Variants in NELL1 observed in about 807,000 individuals in gnomAD.
NELL1 encodes protein kinase C-binding protein NELL1.
A neutral mutation model predicts 107.4 loss-of-function variants in NELL1; 76 were observed. That is an observed-to-expected ratio of 0.71 (90% CI 0.59 to 0.86). The LOEUF (loss-of-function observed/expected upper bound fraction) is 0.86. Among genes scored for constraint, NELL1 ranks in the 40% least tolerant of loss-of-function variants. The pLI is 0.00. For synonymous variants in NELL1, 353 were observed against 341.2 expected, an observed-to-expected ratio of 1.03 and a Z score of -0.38; for missense variants, 1,024 against 1,005.5, an observed-to-expected ratio of 1.02 and a Z score of -0.25.
intron 3 of NELL1, among the ~76,000 whole-genome samples, chr11:20,806,252 TTGTGTGTGTGTG>T (rs3045512): frequency 8.1e-5 from 12 of 148,586 alleles, no homozygotes; most frequent in East Asian, 2.0e-4. Flanking sequence ...TGTGAAGCAT[TTGTGTGTGTGTG>T]TGTGTGTGTG....
At chr11:21,261,486 A>T (rs886633157) in intron 14 of NELL1, among the ~76,000 whole-genome samples, 2 of 151,684 alleles carry the variant, frequency 1.3e-5, no homozygotes, top group Non-Finnish European at 2.9e-5. Flanking sequence ...ATGATCATAA[A>T]CTTCATGTTG....
In NELL1 at chr11:21,574,985, G is replaced by A. The variant is rs1857187875; in HGVS notation, c.2396G>A (p.Cys799Tyr). 6.2e-7 allele frequency: 1 copy of A among 1,610,944 alleles called. No individual in the cohort carries two copies. The highest frequency in any genetic ancestry group is 1.3e-5 in the African/African-American group (1 of 74,752). ...TTCKCKNGRV[C>Y]CSVDFECLQN... is the part of the protein sequence containing the mutation. Reference sequence around the variant, plus strand: ...TTTGATGTACAGAATGGAAGAGTCTGTTGTTCTGTGGATTTTGAGTGTCTT... The same window carrying A: ...TTTGATGTACAGAATGGAAGAGTCTATTGTTCTGTGGATTTTGAGTGTCTT... The change falls in exon 20 of 20, where the codon TGT becomes TAT. Residue 799 changes from cysteine (C) to tyrosine (Y), a missense_variant. Physicochemically the swap from Cys to Tyr is radical, Grantham distance 194. Transcript: ENST00000357134.
intron 13 of NELL1, among the ~76,000 whole-genome samples, chr11:21,219,326 G>A (rs1435981585): frequency 1.3e-5 from 2 of 152,018 alleles, no homozygotes; most frequent in African/African-American, 4.8e-5. Flanking sequence ...TTTATTTTGG[G>A]TTATTTGCTT....
rs1554974849 is a variant in NELL1, at chr11:21,160,843, C to CA, written c.1426+47129_1426+47130insA. Among the ~76,000 whole-genome samples the CA allele has an allele frequency of 3.3e-5, 5 of 152,026 alleles. No individual in the cohort carries two copies. The East Asian group carries it at 9.7e-4, about 29-fold the overall frequency. Reference sequence around the variant, plus strand: ...GCTCAGCTACAAATGGTAAGGTCACCTTTTTTTACTCCCTGCATGTAATAC... The same window carrying CA: ...GCTCAGCTACAAATGGTAAGGTCACCATTTTTTTACTCCCTGCATGTAATAC... On this transcript the variant is annotated intron_variant, in intron 13 of 19. Transcript: ENST00000357134.
intron 2 of NELL1, among the ~76,000 whole-genome samples, chr11:20,707,786 A>G (rs1244452294): frequency 6.6e-6 from 1 of 152,212 alleles, no homozygotes; most frequent in Non-Finnish European, 1.5e-5. Flanking sequence ...TAGGCTACTC[A>G]GGGATCTGGG....
At chr11:21,159,905 T>C (rs898108629) in intron 13 of NELL1, among the ~76,000 whole-genome samples, 9 of 152,198 alleles carry the variant, frequency 5.9e-5, no homozygotes, top group African/African-American at 2.2e-4. Flanking sequence ...CTTCTTCATC[T>C]GTTCTATTTA....
rs188201754 is a variant in NELL1 at position 20,797,392 on chromosome 11, G to A, written c.335+13562G>A. Among the ~76,000 whole-genome samples the A allele has an allele frequency of 5.6e-3, 854 of 151,982 alleles. 7 individuals are homozygous for A. Among genetic ancestry groups the A allele is most frequent in the African/African-American group, 0.02 (828 of 41,436 alleles). On this transcript the variant is annotated intron_variant, in intron 3 of 19. Coordinates refer to ENST00000357134, the MANE Select transcript of NELL1 (RefSeq NM_006157.5). ...ATCCTGGCTAACACGGTGAAATCCA[G>A]TCTCTACTAAAAATACAAAAAAAAT...
intron 16 of NELL1, among the ~76,000 whole-genome samples, chr11:21,559,045 A>G (rs971225698): frequency 6.6e-6 from 1 of 152,120 alleles, no homozygotes; most frequent in Admixed American, 6.5e-5. Context: ...ATCATTGTTC[A>G]CTAATGAAAT....
At chr11:21,459,714 A>C (rs1853850090) in intron 15 of NELL1, among the ~76,000 whole-genome samples, 1 of 152,126 alleles carries the variant, frequency 6.6e-6, no homozygotes, top group Non-Finnish European at 1.5e-5. Flanking sequence ...GCATGTTTCA[A>C]ATTGCTTAGT....
chr11:21,517,270 T>C (rs1459331689), intron 15 of NELL1, among the ~76,000 whole-genome samples: 1 of 152,156 alleles, frequency 6.6e-6, no homozygotes, highest in Admixed American at 6.5e-5. Flanking sequence ...CAATGAAAAC[T>C]ATGTTTTATG....
chr11:20,985,441 A>G (rs901936314), intron 12 of NELL1, among the ~76,000 whole-genome samples: 3 of 152,176 alleles, frequency 2.0e-5, no homozygotes, highest in African/African-American at 7.2e-5. Context: ...TTTAGAAATG[A>G]TATACAGTTA....
At chr11:21,412,978 T>A (rs370876931) in intron 15 of NELL1, among the ~76,000 whole-genome samples, 2 of 152,092 alleles carry the variant, frequency 1.3e-5, no homozygotes, top group Non-Finnish European at 2.9e-5. Flanking sequence ...GGCCCCTGAT[T>A]ATGGCACACT....
Position 20,947,407 on chromosome 11 carries a change from T to A in NELL1, c.1143T>A (p.Pro381=). ...LNCSEKDHIL[P]ENQCCRVCRG... ...GCTCAGAAAAGGATCACATTCTTCC[T>A]GAGAATCAGTGCTGCCGTGTCTGTA... The change falls in exon 11 of 20, where the codon CCT becomes CCA. Residue 381 remains proline (P), a synonymous_variant. Transcript: ENST00000357134. The A allele has an allele frequency of 6.2e-7, 1 of 1,613,638 alleles. No individual in the cohort carries two copies. The highest frequency in any genetic ancestry group is 8.5e-7 in the Non-Finnish European group (1 of 1,179,582).
intron 12 of NELL1, among the ~76,000 whole-genome samples, chr11:20,979,779 A>G (rs1845888823): frequency 6.6e-6 from 1 of 152,126 alleles, no homozygotes; most frequent in East Asian, 1.9e-4. Context: ...AACAGTAGGT[A>G]TTGCTTCTGA....
intron 15 of NELL1, among the ~76,000 whole-genome samples, chr11:21,433,097 G>A (rs557178397): frequency 2.0e-5 from 3 of 152,182 alleles, no homozygotes; most frequent in African/African-American, 7.2e-5. Context: ...CCATATATGA[G>A]TGAGAACATG....
chr11:21,103,020 A>C (rs1322962269), intron 12 of NELL1, among the ~76,000 whole-genome samples: 1 of 152,200 alleles, frequency 6.6e-6, no homozygotes, highest in East Asian at 1.9e-4. Flanking sequence ...TACATGGCGA[A>C]ATACATGAAA....
chr11:21,089,057 C>T (rs1401406271), intron 12 of NELL1, among the ~76,000 whole-genome samples: 1 of 152,036 alleles, frequency 6.6e-6, no homozygotes, highest in Non-Finnish European at 1.5e-5. Context: ...CTACTGTGGC[C>T]CCTCATGAAT....
intron 11 of NELL1, among the ~76,000 whole-genome samples, chr11:20,954,964 A>G (rs1441472501): frequency 1.3e-5 from 2 of 152,218 alleles, no homozygotes; most frequent in Non-Finnish European, 2.9e-5. Flanking sequence ...GAAAGAGAAA[A>G]GAAACACAGA....
chr11:20,887,956 A>C (rs780175847), intron 5 of NELL1, among the ~76,000 whole-genome samples: 1 of 152,212 alleles, frequency 6.6e-6, no homozygotes, highest in Non-Finnish European at 1.5e-5. Flanking sequence ...TGAAATTAGC[A>C]GGTAAAGAAT....
Sources: gnomAD v4.1 joint callset for allele counts (sites outside exome capture counted in the v4.1 genomes callset) on GRCh38, gnomAD v4.1.1 for gene constraint, MANE v1.5 for transcripts, NCBI Gene and HGNC (gene_info 2026-07-23, HGNC 2026-07-21) for gene names.